The following CHN2 variants were observed in gnomAD, a reference collection of about 807,000 sequenced individuals.
The protein encoded by CHN2 is chimerin 2, also known as beta-chimaerin.
Under a neutral mutation model 56.3 loss-of-function variants are expected in CHN2, and 35 were observed. The ratio of observed to expected loss-of-function variants is 0.62; its 90% CI spans 0.47 to 0.82. CHN2 has a LOEUF of 0.82. Ranked by LOEUF, CHN2 falls within the 40% of genes least tolerant of loss-of-function variation. The pLI, the probability that CHN2 is intolerant of heterozygous loss-of-function variation, is 0.00. For synonymous variants in CHN2, 210 were observed against 212.8 expected, an observed-to-expected ratio of 0.99 and a Z score of 0.12; for missense variants, 491 against 580.5, an observed-to-expected ratio of 0.85 and a Z score of 1.58.
chr7:29,363,445 A>G (rs1226020901), intron 2 of CHN2, among the ~76,000 whole-genome samples: 1 of 152,204 alleles, frequency 6.6e-6, no homozygotes. Context: ...AGATTGTGCC[A>G]CTGCACTCTA....
intron 6 of CHN2, among the ~76,000 whole-genome samples, chr7:29,451,338 A>G (rs547755374): frequency 1.1e-4 from 17 of 152,304 alleles, no homozygotes; most frequent in African/African-American, 3.8e-4. Context: ...TTGTAATGGC[A>G]TTAGGACCCT....
intron 2 of CHN2, among the ~76,000 whole-genome samples, chr7:29,162,114 T>C (rs191606988): frequency 8.6e-4 from 131 of 152,304 alleles, no homozygotes; most frequent in Non-Finnish European, 1.8e-3. Context: ...CATCTGGCAG[T>C]TTCTTAAAAA....
chr7:29,151,515 C>T (rs1004972376), intron 2 of CHN2, among the ~76,000 whole-genome samples: 2 of 152,186 alleles, frequency 1.3e-5, no homozygotes, highest in Non-Finnish European at 2.9e-5. Context: ...TGAGCAAGCC[C>T]TGTGTAAAAC....
chr7:29,239,607 C>G (rs984084072), intron 1 of CHN2, among the ~76,000 whole-genome samples: 3 of 152,208 alleles, frequency 2.0e-5, no homozygotes, highest in African/African-American at 7.2e-5. Context: ...CACCTCCCTA[C>G]CTTGGCCTAA....
intron 1 of CHN2, among the ~76,000 whole-genome samples, chr7:29,262,322 CAT>C (rs1292965984): frequency 6.6e-6 from 1 of 152,186 alleles, no homozygotes; most frequent in Non-Finnish European, 1.5e-5. Flanking sequence ...CACAAATACA[CAT>C]AGTTGTTCTT....
intron 1 of CHN2, among the ~76,000 whole-genome samples, chr7:29,345,314 C>T (rs999056299): frequency 1.3e-5 from 2 of 152,186 alleles, no homozygotes; most frequent in African/African-American, 2.4e-5. Flanking sequence ...GAAGACAAAA[C>T]GTAAACAAAG....
intron 6 of CHN2, among the ~76,000 whole-genome samples, chr7:29,414,574 CT>C (rs1803545007): frequency 6.6e-6 from 1 of 152,086 alleles, no homozygotes; most frequent in Non-Finnish European, 1.5e-5. Context: ...GAAGGAAAGC[CT>C]CTTCAAGAGC....
At chr7:29,180,364 A>G (rs1797912484) in intron 2 of CHN2, among the ~76,000 whole-genome samples, 1 of 152,058 alleles carries the variant, frequency 6.6e-6, no homozygotes, top group Non-Finnish European at 1.5e-5. Context: ...TATCTCTACT[A>G]AAAATACAAA....
intron 6 of CHN2, among the ~76,000 whole-genome samples, chr7:29,415,024 T>G (rs2128100486): frequency 6.6e-6 from 1 of 152,348 alleles, no homozygotes; most frequent in South Asian, 2.1e-4. Context: ...CACCGGCGTG[T>G]TCTTTCATTA....
chr7:29,218,842 T>A (rs868040753), intron 1 of CHN2, among the ~76,000 whole-genome samples: 31 of 149,428 alleles, frequency 2.1e-4, no homozygotes, highest in African/African-American at 7.6e-4. Context: ...TTAGGAGATA[T>A]ACCTAATGCT....
intron 2 of CHN2, among the ~76,000 whole-genome samples, chr7:29,176,388 A>G (rs1797348110): frequency 6.6e-6 from 1 of 152,142 alleles, no homozygotes; most frequent in Non-Finnish European, 1.5e-5. Context: ...AAAAAGAAAT[A>G]ATAACTAGAT....
intron 1 of CHN2, among the ~76,000 whole-genome samples, chr7:29,297,114 T>G (rs909059496): frequency 3.3e-5 from 5 of 152,152 alleles, no homozygotes; most frequent in Non-Finnish European, 7.4e-5. Flanking sequence ...TGGAATTTAT[T>G]GGGTGAAAAG....
intron 6 of CHN2, among the ~76,000 whole-genome samples, chr7:29,422,116 T>C (rs1804405259): frequency 6.6e-6 from 1 of 152,206 alleles, no homozygotes; most frequent in African/African-American, 2.4e-5. Context: ...AGAATTCATG[T>C]ATTTGTGTTA....
chr7:29,249,408 C>A (rs1788315233), intron 1 of CHN2, among the ~76,000 whole-genome samples: 1 of 152,218 alleles, frequency 6.6e-6, no homozygotes, highest in Non-Finnish European at 1.5e-5. Flanking sequence ...TTTGTTCTTT[C>A]CAGACCCCCA....
intron 3 of CHN2, among the ~76,000 whole-genome samples, chr7:29,384,003 G>A (rs1202716439): frequency 2.0e-5 from 3 of 152,154 alleles, no homozygotes; most frequent in African/African-American, 7.2e-5. Context: ...AGAAGACTTC[G>A]TGGCAGATTG....
At chr7:29,284,924 T>A (rs1339264573) in intron 1 of CHN2, among the ~76,000 whole-genome samples, 3 of 152,214 alleles carry the variant, frequency 2.0e-5, no homozygotes, top group Admixed American at 6.5e-5. Context: ...AGACGTCATC[T>A]CAAAAATCAC....
intron 1 of CHN2, among the ~76,000 whole-genome samples, chr7:29,226,721 T>C (rs1190951911): frequency 6.6e-6 from 1 of 152,228 alleles, no homozygotes; most frequent in Non-Finnish European, 1.5e-5. Context: ...GGAATTATCC[T>C]GGTGATCCTA....
chr7:29,263,921 C>T (rs1302047957), intron 1 of CHN2, among the ~76,000 whole-genome samples: 4 of 149,774 alleles, frequency 2.7e-5, no homozygotes, highest in African/African-American at 9.9e-5. Context: ...CCTCCCTGTC[C>T]GGGAGCTGGG....
At chr7:29,221,993 G>A (rs1179097121) in intron 1 of CHN2, among the ~76,000 whole-genome samples, 1 of 152,052 alleles carries the variant, frequency 6.6e-6, no homozygotes, top group African/African-American at 2.4e-5. Context: ...GGAATTGCTG[G>A]GTCAAATGGT....
Sources: allele counts gnomAD v4.1 joint callset (sites outside exome capture counted in the v4.1 genomes callset), GRCh38; gene constraint gnomAD v4.1.1; transcripts MANE v1.5; gene names NCBI Gene and HGNC (gene_info 2026-07-23, HGNC 2026-07-21).